The following SDK2 variants were observed in gnomAD, a reference collection of about 807,000 sequenced individuals.
SDK2 encodes the protein protein sidekick-2.
Under a neutral mutation model 253.9 loss-of-function variants are expected in SDK2, and 105 were observed. That is an observed-to-expected ratio of 0.41 (90% CI 0.35 to 0.49). The LOEUF (loss-of-function observed/expected upper bound fraction) is 0.49. Ranked by LOEUF, SDK2 falls within the 20% of genes least tolerant of loss-of-function variation. The probability of loss-of-function intolerance (pLI) is 0.06; values close to 1 mark genes in which losing one functional copy is unlikely to be tolerated. For synonymous variants in SDK2, 1,249 were observed against 1,234.9 expected, an observed-to-expected ratio of 1.01 and a Z score of -0.24; for missense variants, 2,608 against 3,003.0, an observed-to-expected ratio of 0.87 and a Z score of 3.07.
chr17:73,474,132 G>A (rs941743668), intron 2 of SDK2, among the ~76,000 whole-genome samples: 2 of 152,048 alleles, frequency 1.3e-5, no homozygotes, highest in African/African-American at 4.8e-5. Context: ...CTTCCAAAGC[G>A]CTAGGATTAC....
Position 73,431,817 on chromosome 17 carries a change from G to C in SDK2, c.1313-148C>G, listed in dbSNP as rs1384062477. Reference sequence around the variant, plus strand: ...ATGAGGACAGATGGCGGTGGGGCTGGGGTGGGGGCTGAGAGACCTGGAGAG... The same window carrying C: ...ATGAGGACAGATGGCGGTGGGGCTGCGGTGGGGGCTGAGAGACCTGGAGAG... On this transcript the variant is annotated intron_variant, in intron 10 of 44. Transcript: ENST00000392650. This position sits in a 1 kb window ranked among gnomAD's most constrained non-coding sequence, Gnocchi z 5.6. 2 of 879,004 alleles carry C rather than the reference G, an allele frequency of 2.3e-6. No individual in the cohort carries two copies. Among genetic ancestry groups the C allele is most frequent in the Non-Finnish European group, 3.3e-6 (2 of 600,806 alleles). The allele number at this position is 879,004 out of a possible 1,614,324, so 54.5% of individuals were successfully genotyped here. A position where few individuals can be genotyped will look rare whatever the true frequency, so the allele number is the denominator to read the frequency against.
At chr17:73,518,722 A>G (rs898094250) in intron 1 of SDK2, 9 of 152,198 alleles carry the variant, frequency 5.9e-5, no homozygotes, top group African/African-American at 1.9e-4. Flanking sequence ...ATTCAGATTC[A>G]TTTGAGCTAT....
At chr17:73,439,378 CTTGGG>C (rs1312430793) in intron 6 of SDK2, among the ~76,000 whole-genome samples, 3 of 152,134 alleles carry the variant, frequency 2.0e-5, no homozygotes, top group African/African-American at 7.2e-5. Flanking sequence ...CTGTGAGAAA[CTTGGG>C]ATGGGAGGAG....
At chr17:73,445,999 G>C (rs1406590120) in intron 5 of SDK2, among the ~76,000 whole-genome samples, 1 of 152,094 alleles carries the variant, frequency 6.6e-6, no homozygotes, top group African/African-American at 2.4e-5. Flanking sequence ...GACTCCCAAA[G>C]TCAGACAAGA....
intron 4 of SDK2, among the ~76,000 whole-genome samples, chr17:73,449,480 A>G (rs181083121): frequency 6.0e-5 from 9 of 149,094 alleles, no homozygotes; most frequent in African/African-American, 2.0e-4. Context: ...TTTTCGCCCC[A>G]CTCTCTCCTG....
At chr17:73,462,575 G>A (rs1411522706) in intron 3 of SDK2, among the ~76,000 whole-genome samples, 2 of 151,890 alleles carry the variant, frequency 1.3e-5, no homozygotes, top group Non-Finnish European at 2.9e-5. Context: ...TATGGTGAGA[G>A]GGGTGGTTGT....
Position 73,619,334 on chromosome 17 carries a change from T to A in SDK2, c.64+24691A>T, listed in dbSNP as rs77954559. On this transcript the variant is annotated intron_variant, in intron 1 of 44. Transcript: ENST00000392650. ...CTGAAGTCAGCACAGCACAGACAGC[T>A]AACCCTCCAGCAGAAATCAAAACAG... Among the ~76,000 whole-genome samples the A allele has an allele frequency of 1.2e-3, 190 of 152,190 alleles. 1 individual carries two copies. The highest frequency in any genetic ancestry group is 3.6e-3 in the African/African-American group (151 of 41,510).
intron 1 of SDK2, among the ~76,000 whole-genome samples, chr17:73,624,336 A>G (rs2046174162): frequency 6.6e-6 from 1 of 152,356 alleles, no homozygotes; most frequent in Non-Finnish European, 1.5e-5. Context: ...TCTACTAAAA[A>G]TACAAAACAA....
At chr17:73,579,146 C>T (rs143459549) in intron 1 of SDK2, among the ~76,000 whole-genome samples, 17 of 152,214 alleles carry the variant, frequency 1.1e-4, no homozygotes, top group Middle Eastern at 3.4e-3. Context: ...TATTGCTGCA[C>T]GTCTGGCCTG....
At chr17:73,454,413 C>T (rs1230017041) in intron 4 of SDK2, among the ~76,000 whole-genome samples, 1 of 152,206 alleles carries the variant, frequency 6.6e-6, no homozygotes, top group Non-Finnish European at 1.5e-5. Flanking sequence ...TGCTGACCAG[C>T]TGTGTGAGAT....
chr17:73,418,992 C>T (rs895607161), intron 16 of SDK2, among the ~76,000 whole-genome samples, 174 bp downstream of exon 16: 7 of 152,160 alleles, frequency 4.6e-5, no homozygotes, highest in Admixed American at 4.6e-4. Context: ...GGAAGTTCTA[C>T]TAGGTGTCCA....
At position 73,470,381 on chromosome 17, in the gene SDK2, C is replaced by G. The variant is rs539060805; in HGVS notation, c.331+1731G>C. Among the ~76,000 whole-genome samples, 54 of 152,238 alleles carry G rather than the reference C, an allele frequency of 3.5e-4. No individual in the cohort carries two copies. In the Middle Eastern group the frequency reaches 0.01, roughly 29 times the overall value. The stretch of plus-strand genomic sequence containing the variant: ...GACACATGTGAACAAAAAGGCCAAC[C>G]AACCTGGACACAGACATTTGCACAC... On this transcript the variant is annotated intron_variant, in intron 3 of 44. Coordinates refer to ENST00000392650, the MANE Select transcript of SDK2 (RefSeq NM_001144952.2).
chr17:73,368,737 C>T (rs907668703), intron 36 of SDK2, 144 bp from the exon 37 acceptor site: 14 of 678,936 alleles, frequency 2.1e-5, no homozygotes, highest in East Asian at 9.1e-5. Context: ...AGGCCGGGTG[C>T]GGTGGCTCAC....
In SDK2 at chr17:73,431,784, T is replaced by A; in HGVS notation, c.1313-115A>T. Reference sequence around the variant, plus strand: ...CACAGGCCCCTGGCTCTGGAAATGCTGGAAGGAATGAGGACAGATGGCGGT... The same window carrying A: ...CACAGGCCCCTGGCTCTGGAAATGCAGGAAGGAATGAGGACAGATGGCGGT... On this transcript the variant is annotated intron_variant, in intron 10 of 44. Transcript: ENST00000392650. This position sits in a 1 kb window ranked among gnomAD's most constrained non-coding sequence, Gnocchi z 5.6. 2 of 1,135,496 alleles carry A rather than the reference T, an allele frequency of 1.8e-6. No individual in the cohort carries two copies. Among genetic ancestry groups the A allele is most frequent in the Non-Finnish European group, 2.4e-6 (2 of 830,650 alleles). 70.3% of individuals were successfully genotyped at this position (1,135,496 alleles called of 1,614,324 possible).
At chr17:73,359,217 C>A (rs1471805950) in intron 39 of SDK2, among the ~76,000 whole-genome samples, 1 of 152,022 alleles carries the variant, frequency 6.6e-6, no homozygotes, top group Admixed American at 6.5e-5. Flanking sequence ...GGAGCAGAGT[C>A]TAGCATCACA....
At chr17:73,471,326 G>A (rs1259842896) in intron 3 of SDK2, among the ~76,000 whole-genome samples, 4 of 152,134 alleles carry the variant, frequency 2.6e-5, no homozygotes, top group African/African-American at 4.8e-5. Context: ...TACTGGGCGC[G>A]GTGGCTCACA....
chr17:73,531,434 C>A (rs1053291553), intron 1 of SDK2, among the ~76,000 whole-genome samples: 3 of 152,188 alleles, frequency 2.0e-5, no homozygotes, highest in South Asian at 2.1e-4. Context: ...GCCCTGTGAG[C>A]CCAGCTGCCT....
At chr17:73,606,484 T>C (rs1233802992) in intron 1 of SDK2, among the ~76,000 whole-genome samples, 1 of 152,106 alleles carries the variant, frequency 6.6e-6, no homozygotes. Flanking sequence ...CCTCAGAGCC[T>C]GGTATGGGCC....
intron 1 of SDK2, among the ~76,000 whole-genome samples, chr17:73,546,484 G>A (rs935090625): frequency 6.6e-6 from 1 of 152,212 alleles, no homozygotes; most frequent in Non-Finnish European, 1.5e-5. Context: ...GAAGGGAAGG[G>A]CCCCCACCCC....
Sources: gnomAD v4.1 joint callset for allele counts (sites outside exome capture counted in the v4.1 genomes callset) on GRCh38, gnomAD v4.1.1 for gene constraint, Gnocchi (gnomAD v3.1) non-coding constraint, MANE v1.5 for transcripts, NCBI Gene and HGNC (gene_info 2026-07-23, HGNC 2026-07-21) for gene names.